The following FAM174A variants were observed in gnomAD, a reference collection of about 807,000 sequenced individuals.
FAM174A encodes family with sequence similarity 174 member A.
In FAM174A, 14 loss-of-function variants were observed where a neutral mutation model predicts 14.3. That is an observed-to-expected ratio of 0.98 (90% CI 0.65 to 1.53). The LOEUF (loss-of-function observed/expected upper bound fraction) is 1.53, where lower values mean the gene tolerates loss of function less well. Ranked by LOEUF, FAM174A falls within the 40% of genes most tolerant of loss-of-function variation. The probability of loss-of-function intolerance (pLI) is 0.00; values close to 1 mark genes in which losing one functional copy is unlikely to be tolerated. For synonymous variants in FAM174A, 108 were observed against 111.4 expected (o/e 0.97, Z 0.19); for missense variants, 241 against 249.6 (o/e 0.97, Z 0.23).
intron 2 of FAM174A, among the ~76,000 whole-genome samples, chr5:100,578,788 C>T (rs1405031690): frequency 6.6e-6 from 1 of 152,042 alleles, no homozygotes; most frequent in Non-Finnish European, 1.5e-5. Flanking sequence ...ACCTATTAAG[C>T]TTAGCAGCAT....
intron 1 of FAM174A, among the ~76,000 whole-genome samples, chr5:100,539,103 C>T (rs1398669730): frequency 6.6e-6 from 1 of 151,982 alleles, no homozygotes; most frequent in Non-Finnish European, 1.5e-5. Flanking sequence ...TCTCTATGCT[C>T]TTTAGCAAGT....
chr5:100,542,297 CAG>C (rs1449983006), intron 1 of FAM174A, among the ~76,000 whole-genome samples: 1 of 152,174 alleles, frequency 6.6e-6, no homozygotes, highest in Non-Finnish European at 1.5e-5. Context: ...AAGCTTGAAA[CAG>C]TATTTTTATC....
chr5:100,572,115 T>A (rs1219039406), intron 2 of FAM174A, among the ~76,000 whole-genome samples: 1 of 152,098 alleles, frequency 6.6e-6, no homozygotes, highest in Non-Finnish European at 1.5e-5. Context: ...TCTATATGAT[T>A]TAATAAATAA....
At chr5:100,538,105 A>T (rs1172087358) in intron 1 of FAM174A, among the ~76,000 whole-genome samples, 7 of 152,160 alleles carry the variant, frequency 4.6e-5, no homozygotes, top group African/African-American at 1.7e-4. Context: ...TCCAAGTCCT[A>T]CATTTAGTTG....
At chr5:100,547,873 G>T (rs26026) in intron 1 of FAM174A, among the ~76,000 whole-genome samples, 30,657 of 151,726 alleles carry the variant, frequency 0.2, 3,300 homozygotes, top group African/African-American at 0.23. Flanking sequence ...ATATGAATAG[G>T]CCTAGGTTTG....
At chr5:100,536,151 T>A (rs1239966619) in intron 1 of FAM174A, among the ~76,000 whole-genome samples, 187 bp downstream of exon 1, 2 of 152,260 alleles carry the variant, frequency 1.3e-5, no homozygotes. Flanking sequence ...AACTAATTGC[T>A]GCCTTTTGTT....
Position 100,535,561 on chromosome 5 carries a change from A to G in FAM174A, c.31A>G (p.Ser11Gly), listed in dbSNP as rs559073136. 2 of 1,613,152 alleles carry G rather than the reference A, an allele frequency of 1.2e-6. No homozygotes were observed. The highest frequency in any genetic ancestry group is 1.3e-5 in the African/African-American group (1 of 75,046). ...GGCCTCGCAGTGCTGCTGCTGTCTC[A>G]GCCACCTCTTGGCTTCCGTCCTCCT... MKASQCCCCL[S>G]HLLASVLLLL... is the part of the protein sequence containing the mutation. The change falls in exon 1 of 3, where the codon AGC becomes GGC. Residue 11 changes from serine (S) to glycine (G), a missense_variant. Physicochemically the swap from Ser to Gly is moderately conservative, Grantham distance 56. Coordinates refer to ENST00000312637, the MANE Select transcript of FAM174A (RefSeq NM_198507.3).
At chr5:100,555,886 A>G (rs374139034) in intron 1 of FAM174A, among the ~76,000 whole-genome samples, 12 of 152,048 alleles carry the variant, frequency 7.9e-5, no homozygotes, top group East Asian at 3.9e-4. Context: ...CTCCCATTCT[A>G]TAGGTTGCCT....
intron 2 of FAM174A, among the ~76,000 whole-genome samples, chr5:100,580,742 C>T (rs1056757535): frequency 2.0e-5 from 3 of 152,160 alleles, no homozygotes; most frequent in Admixed American, 6.5e-5. Flanking sequence ...TCAGTATTAA[C>T]CATCACACTT....
intron 1 of FAM174A, among the ~76,000 whole-genome samples, chr5:100,554,827 G>A (rs1408387131): frequency 6.6e-6 from 1 of 151,950 alleles, no homozygotes; most frequent in East Asian, 1.9e-4. Flanking sequence ...TTTAAGGGTG[G>A]TAAACAAAAT....
chr5:100,582,919 C>A (rs953837651), intron 2 of FAM174A, among the ~76,000 whole-genome samples: 4 of 152,082 alleles, frequency 2.6e-5, no homozygotes, highest in African/African-American at 7.2e-5. Flanking sequence ...ACTACACAGT[C>A]AAAAATCCAC....
intron 1 of FAM174A, among the ~76,000 whole-genome samples, chr5:100,554,976 A>G (rs569297787): frequency 6.6e-6 from 1 of 151,982 alleles, no homozygotes; most frequent in Non-Finnish European, 1.5e-5. Context: ...TGTGCACAAC[A>G]TGCAGGTTTG....
chr5:100,558,496 T>C (rs2112381849), intron 1 of FAM174A, among the ~76,000 whole-genome samples: 1 of 152,302 alleles, frequency 6.6e-6, no homozygotes, highest in South Asian at 2.1e-4. Flanking sequence ...ATATCCTTTT[T>C]AACTTTCTGT....
Position 100,543,078 on chromosome 5 carries a change from A to G in FAM174A, c.434+7114A>G, listed in dbSNP as rs115276040. ...TACTGCACTCCACCTTTCATGACAG[A>G]GCAAGACCTTGTCTCAAACAAAGTT... On this transcript the variant is annotated intron_variant, in intron 1 of 2. Transcript: ENST00000312637. 3.1e-3 allele frequency among the ~76,000 whole-genome samples: 478 copies of G among 152,230 alleles called. 1 individual carries two copies. Among genetic ancestry groups the G allele is most frequent in the African/African-American group, 0.011 (454 of 41,524 alleles).
At chr5:100,578,222 A>G (rs1746940165) in intron 2 of FAM174A, among the ~76,000 whole-genome samples, 2 of 152,162 alleles carry the variant, frequency 1.3e-5, no homozygotes, top group African/African-American at 4.8e-5. Flanking sequence ...AAGTATTATA[A>G]TAAAATAAGG....
chr5:100,585,317 A>T (rs1246661122), intron 2 of FAM174A, among the ~76,000 whole-genome samples: 2 of 152,218 alleles, frequency 1.3e-5, no homozygotes, highest in African/African-American at 2.4e-5. Flanking sequence ...TTAACATAGT[A>T]GATTTGTATA....
At chr5:100,564,139 C>T in intron 2 of FAM174A, among the ~76,000 whole-genome samples, 1 of 151,816 alleles carries the variant, frequency 6.6e-6, no homozygotes, top group East Asian at 1.9e-4. Flanking sequence ...TGCTCAGAAG[C>T]CAAGCAGATG....
chr5:100,546,039 T>G (rs1175922965), intron 1 of FAM174A, among the ~76,000 whole-genome samples: 1 of 152,218 alleles, frequency 6.6e-6, no homozygotes, highest in South Asian at 2.1e-4. Flanking sequence ...GCTACGTATT[T>G]TAATCAGGAT....
At position 100,535,408 on chromosome 5, in the gene FAM174A, G is replaced by T; in HGVS notation, c.-123G>T. 1 of 1,056,902 alleles carries T rather than the reference G, an allele frequency of 9.5e-7. No individual in the cohort carries two copies. The highest frequency in any genetic ancestry group is 1.4e-6 in the Non-Finnish European group (1 of 721,098). 65.5% of individuals were successfully genotyped at this position (1,056,902 alleles called of 1,614,324 possible). A position where few individuals can be genotyped will look rare whatever the true frequency, so the allele number is the denominator to read the frequency against. ...TGCTGTAGCTTCTGCCACCTGCCAC[G>T]ACCGGGCCTCTCCCTGGCGTTTGGT... On this transcript the variant is annotated 5_prime_UTR_variant, in exon 1 of 3. Transcript: ENST00000312637.
Sources: allele counts gnomAD v4.1 joint callset (sites outside exome capture counted in the v4.1 genomes callset), GRCh38; gene constraint gnomAD v4.1.1; transcripts MANE v1.5; gene names NCBI Gene and HGNC (gene_info 2026-07-23, HGNC 2026-07-21).